GRIN2A: variants seen among roughly 807,000 people sequenced by gnomAD.
GRIN2A encodes glutamate receptor ionotropic, NMDA 2A.
Under a neutral mutation model 113.4 loss-of-function variants are expected in GRIN2A, and 22 were observed. That is an observed-to-expected ratio of 0.19 (90% CI 0.14 to 0.28). The LOEUF (loss-of-function observed/expected upper bound fraction) is 0.28. Ranked by LOEUF, GRIN2A falls within the 10% of genes least tolerant of loss-of-function variation. GRIN2A has a pLI of 1.00. For missense variants in GRIN2A, 1,502 were observed against 1,887.0 expected, an observed-to-expected ratio of 0.80 and a Z score of 3.78; for synonymous variants, 827 against 738.4, an observed-to-expected ratio of 1.12 and a Z score of -1.94.
chr16:9,891,892 G>A (rs2043701416), intron 3 of GRIN2A, among the ~76,000 whole-genome samples: 1 of 152,158 alleles, frequency 6.6e-6, no homozygotes, highest in Non-Finnish European at 1.5e-5. Context: ...AATAGGAACA[G>A]AAAGTGCAGG....
intron 4 of GRIN2A, among the ~76,000 whole-genome samples, chr16:9,853,150 G>A (rs1280562141): frequency 6.6e-6 from 1 of 152,310 alleles, no homozygotes; most frequent in African/African-American, 2.4e-5. Context: ...TTGTGGGAAG[G>A]AATTGTGGAG....
intron 2 of GRIN2A, among the ~76,000 whole-genome samples, chr16:9,989,400 TA>T (rs1321206526): frequency 6.2e-5 from 9 of 146,114 alleles, no homozygotes; most frequent in Admixed American, 1.4e-4. Context: ...CAAGATGGAT[TA>T]AAGACTTAAA....
chr16:9,834,320 G>C, intron 7 of GRIN2A, 90 bp from the exon 8 acceptor site: 1 of 1,197,518 alleles, frequency 8.4e-7, no homozygotes, highest in Non-Finnish European at 1.2e-6. Flanking sequence ...TTGCAGGCTC[G>C]CCAAAAATAT....
intron 4 of GRIN2A, among the ~76,000 whole-genome samples, chr16:9,853,838 T>C (rs1207664899): frequency 1.3e-5 from 2 of 152,170 alleles, no homozygotes; most frequent in African/African-American, 2.4e-5. Flanking sequence ...CAATCTTGTT[T>C]CATTTATACT....
chr16:9,835,085 T>A (rs1385093493), intron 7 of GRIN2A, among the ~76,000 whole-genome samples: 3 of 152,196 alleles, frequency 2.0e-5, no homozygotes, highest in African/African-American at 7.2e-5. Flanking sequence ...GACAGAAATA[T>A]TGGAAAGTTA....
intron 10 of GRIN2A, among the ~76,000 whole-genome samples, chr16:9,816,591 G>A (rs564027315): frequency 7.5e-4 from 114 of 152,174 alleles, no homozygotes; most frequent in Non-Finnish European, 1.3e-3. Flanking sequence ...GCATATGTGC[G>A]ACGCTTGCAG....
At chr16:9,984,846 T>C (rs914439727) in intron 2 of GRIN2A, among the ~76,000 whole-genome samples, 7 of 152,252 alleles carry the variant, frequency 4.6e-5, no homozygotes, top group Admixed American at 4.6e-4. Context: ...TGGTTTTTTA[T>C]TACTTTTGTT....
At chr16:9,769,314 T>A in intron 11 of GRIN2A, 1 of 310,820 alleles carries the variant, frequency 3.2e-6, no homozygotes, top group South Asian at 4.4e-5. Flanking sequence ...TATATAAAAA[T>A]AGAGAATATA....
intron 7 of GRIN2A, 42 bp downstream of exon 7, chr16:9,840,605 A>C (rs1014099099): frequency 3.2e-6 from 5 of 1,586,526 alleles, no homozygotes; most frequent in Non-Finnish European, 4.3e-6. Flanking sequence ...ATTTCCTACA[A>C]TTCCTTATAG....
At chr16:10,121,513 T>C (rs528589142) in intron 2 of GRIN2A, 1 of 152,270 alleles carries the variant, frequency 6.6e-6, no homozygotes, top group South Asian at 2.1e-4. Context: ...CTCTGTGTTC[T>C]TGTGACCATG....
At chr16:10,074,226 C>G (rs901996403) in intron 2 of GRIN2A, among the ~76,000 whole-genome samples, 1 of 152,160 alleles carries the variant, frequency 6.6e-6, no homozygotes. Context: ...ATGGAAATAA[C>G]AAATGTTGAC....
At chr16:9,837,247 A>G (rs752441096) in intron 7 of GRIN2A, among the ~76,000 whole-genome samples, 24 of 152,196 alleles carry the variant, frequency 1.6e-4, no homozygotes, top group Non-Finnish European at 2.1e-4. Flanking sequence ...AGTGACTAGG[A>G]AAAATATTAA....
chr16:9,776,238 T>TA (rs1384961893), intron 11 of GRIN2A, among the ~76,000 whole-genome samples: 1 of 152,044 alleles, frequency 6.6e-6, no homozygotes, highest in African/African-American at 2.4e-5. Flanking sequence ...CACAGGAATG[T>TA]AAATATGACG....
rs763745544 is a variant in GRIN2A, at chr16:9,841,047, A to G, written c.1386T>C (p.Asp462=). 3 of 1,613,634 alleles carry G rather than the reference A, an allele frequency of 1.9e-6. No homozygotes were observed. Among genetic ancestry groups the G allele is most frequent in the African/African-American group, 1.3e-5 (1 of 75,040 alleles). Residue 462 remains aspartate, a synonymous_variant, in exon 6 of 13, where the codon GAT becomes GAC. Transcript: ENST00000330684. ...CAGTTCTGGAAAGCTTCTTCAGAAT[A>G]TCAATGCAGAACCCCTTGCAGCATT... ...VKKCCKGFCI[D]ILKKLSRTVK...
intron 2 of GRIN2A, among the ~76,000 whole-genome samples, chr16:9,965,660 G>T (rs1409831320): frequency 6.6e-6 from 1 of 152,148 alleles, no homozygotes; most frequent in East Asian, 1.9e-4. Context: ...ACACAGCTGA[G>T]ACCCAATAAA....
At chr16:9,866,465 A>G (rs2141413237) in intron 4 of GRIN2A, among the ~76,000 whole-genome samples, 1 of 152,092 alleles carries the variant, frequency 6.6e-6, no homozygotes, top group African/African-American at 2.4e-5. Context: ...AGAGGGAAAG[A>G]GGAATAAAGG....
chr16:10,116,178 A>C (rs2048725196), intron 2 of GRIN2A, among the ~76,000 whole-genome samples: 1 of 152,218 alleles, frequency 6.6e-6, no homozygotes, highest in South Asian at 2.1e-4. Context: ...AGGGACATGG[A>C]TGAAGCTGGA....
intron 2 of GRIN2A, among the ~76,000 whole-genome samples, chr16:9,957,930 G>T (rs1272948518): frequency 3.3e-5 from 5 of 152,090 alleles, no homozygotes; most frequent in Admixed American, 2.6e-4. Flanking sequence ...GATATGAAGG[G>T]CTTCCCCAAA....
intron 2 of GRIN2A, among the ~76,000 whole-genome samples, chr16:10,026,815 A>G (rs2046831517): frequency 1.3e-5 from 2 of 152,298 alleles, no homozygotes; most frequent in Non-Finnish European, 2.9e-5. Context: ...GCAGAACTTG[A>G]AATCAGGTGC....
Sources: gnomAD v4.1 joint callset for allele counts (sites outside exome capture counted in the v4.1 genomes callset) on GRCh38, gnomAD v4.1.1 for gene constraint, MANE v1.5 for transcripts, NCBI Gene and HGNC (gene_info 2026-07-23, HGNC 2026-07-21) for gene names.